Variants in ZNF460 observed in about 807,000 individuals in gnomAD.
ZNF460 encodes zinc finger protein 272.
A neutral mutation model predicts 8.4 loss-of-function variants in ZNF460; 1 was observed. The ratio of observed to expected loss-of-function variants is 0.12; its 90% CI spans 0.04 to 0.56. The LOEUF (loss-of-function observed/expected upper bound fraction) is 0.56. ZNF460 is among the 20% of genes least tolerant of loss of function. The probability of loss-of-function intolerance (pLI) is 0.91; values close to 1 mark genes in which losing one functional copy is unlikely to be tolerated. For missense variants in ZNF460, 477 were observed against 714.8 expected (o/e 0.67, Z 3.79); for synonymous variants, 262 against 259.9 (o/e 1.01, Z -0.08).
intron 2 of ZNF460, among the ~76,000 whole-genome samples, chr19:57,285,909 A>G (rs1191062812): frequency 6.6e-6 from 1 of 152,150 alleles, no homozygotes; most frequent in Non-Finnish European, 1.5e-5. Context: ...TGGGAGACCA[A>G]GGTCTGATGC....
intron 1 of ZNF460, 39 bp from the exon 2 acceptor site, chr19:57,284,512 T>G (rs374129137): frequency 2.5e-6 from 4 of 1,602,260 alleles, no homozygotes; most frequent in Non-Finnish European, 3.4e-6. Flanking sequence ...TATTCCACAG[T>G]TGCAAAGGAA....
rs1214872764 is a variant in ZNF460 at position 57,292,082 on chromosome 19, G to T, written c.1541G>T (p.Cys514Phe). 6.2e-7 allele frequency: 1 copy of T among 1,614,190 alleles called. No homozygotes were observed. ...HEPIQSGNVSCESTDLIQHSI... is the reference protein window; with the variant it reads ...HEPIQSGNVSFESTDLIQHSI... Reference sequence around the variant, plus strand: ...CCCATCCAGAGTGGGAACGTTTCTTGTGAGAGCACAGATCTCATTCAACAC... The same window carrying T: ...CCCATCCAGAGTGGGAACGTTTCTTTTGAGAGCACAGATCTCATTCAACAC... Residue 514 changes from cysteine to phenylalanine, a missense_variant, in exon 3 of 3, where the codon TGT becomes TTT. Coordinates refer to ENST00000360338, the MANE Select transcript of ZNF460 (RefSeq NM_006635.4).
chr19:57,282,357 A>G (rs1043020182), intron 1 of ZNF460, among the ~76,000 whole-genome samples: 2 of 152,112 alleles, frequency 1.3e-5, no homozygotes, highest in East Asian at 1.9e-4. Flanking sequence ...TGTGCCCTCT[A>G]TGACTCTTGT....
At chr19:57,283,938 C>G (rs1192414234) in intron 1 of ZNF460, among the ~76,000 whole-genome samples, 1 of 152,130 alleles carries the variant, frequency 6.6e-6, no homozygotes, top group African/African-American at 2.4e-5. Flanking sequence ...CCTCAGGAGT[C>G]TGGCTCCTGA....
chr19:57,291,345 A>G lies in ZNF460; in HGVS notation c.804A>G (p.Thr268=). Residue 268 remains threonine (T), a synonymous_variant, in exon 3 of 3, where the codon ACA becomes ACG. Transcript: ENST00000360338. This position sits in a 1 kb window ranked among gnomAD's most constrained non-coding sequence, Gnocchi z 8.4. ...CCTTCAATCGCGGGTCGCACCTTAC[A>G]CGGCACCAGCGGGTTCACAGTGGAG... ...GRTFNRGSHL[T]RHQRVHSGEK... 1 of 1,613,412 alleles carries G rather than the reference A, an allele frequency of 6.2e-7. No individual in the cohort carries two copies.
At chr19:57,286,554 G>A (rs1274245250) in intron 2 of ZNF460, among the ~76,000 whole-genome samples, 2 of 152,098 alleles carry the variant, frequency 1.3e-5, no homozygotes, top group African/African-American at 4.8e-5. Context: ...AGGCTGAGAT[G>A]GGAGGATTGC....
chr19:57,293,614 G>C lies in ZNF460; in HGVS notation c.*1384G>C, dbSNP rs1180533809. 6.6e-6 allele frequency: 1 copy of C among 152,036 alleles called. No homozygotes were observed. Among genetic ancestry groups the C allele is most frequent in the Non-Finnish European group, 1.5e-5 (1 of 68,010 alleles). 9.4% of individuals were successfully genotyped at this position (152,036 alleles called of 1,614,324 possible). On this transcript the variant is annotated 3_prime_UTR_variant, in exon 3 of 3. Transcript: ENST00000360338. The stretch of plus-strand genomic sequence containing the variant: ...CATCTCAATCATTTATCATTTCTTT[G>C]TGTTTAGAAACATTCACAGTCTGCT...
In ZNF460 at chr19:57,289,356, C is replaced by T. The variant is rs902920865; in HGVS notation, c.158-1343C>T. Among the ~76,000 whole-genome samples the T allele has an allele frequency of 2.0e-5, 3 of 152,138 alleles. 1 individual carries two copies. The highest frequency in any genetic ancestry group is 7.2e-5 in the African/African-American group (3 of 41,432). On this transcript the variant is annotated intron_variant, in intron 2 of 2. Transcript: ENST00000360338. The stretch of plus-strand genomic sequence containing the variant: ...CTTCCTGTCTCTGAATCCTGATCAA[C>T]CTTAACTTCTTATGGGGCTGCCTCC...
chr19:57,291,776 A>G lies in ZNF460; in HGVS notation c.1235A>G (p.Asn412Ser), dbSNP rs200206139. The G allele has an allele frequency of 6.5e-5, 105 of 1,614,106 alleles. No homozygotes were observed. In the East Asian group the frequency reaches 1.6e-3, roughly 24 times the overall value. The change falls in exon 3 of 3, where the codon AAC becomes AGC. Residue 412 changes from asparagine (N) to serine (S), a missense_variant. Physicochemically the swap from Asn to Ser is conservative, Grantham distance 46. Coordinates refer to ENST00000360338, the MANE Select transcript of ZNF460 (RefSeq NM_006635.4). This position sits in a 1 kb window ranked among gnomAD's most constrained non-coding sequence, Gnocchi z 8.4. ...SIRKDLIRHF[N>S]IHTGEKPYEC... is the part of the protein sequence containing the mutation. ...CGAAAAGACCTCATTCGACACTTCA[A>G]CATCCACACTGGAGAGAAGCCCTAT...
intron 2 of ZNF460, 105 bp from the exon 3 acceptor site, chr19:57,290,594 T>C (rs1259740632): frequency 5.2e-6 from 6 of 1,155,540 alleles, no homozygotes; most frequent in Non-Finnish European, 7.3e-6. Context: ...ATCATAGCTA[T>C]TTTCAAATCA....
In ZNF460 at chr19:57,291,198, TG is replaced by T; in HGVS notation, c.661del (p.Glu221ArgfsTer243). On this transcript the variant is annotated frameshift_variant, in exon 3 of 3. Coordinates refer to ENST00000360338, the MANE Select transcript of ZNF460 (RefSeq NM_006635.4). LOFTEE classifies it low-confidence loss of function (END_TRUNC). The surrounding 1 kb of genome is among the most constrained non-coding windows in gnomAD (Gnocchi z 8.4). ...TCCTTCAGCATCACATCATCCATAC[TG>T]GGGAGAAGCCCTATAAATGCCTGGA... Reference protein sequence around the residue: ...HLLQHHIIHTGEKPYKCLECG... With the variant: ...HLLQHHIIHTXEKPYKCLECG... 1 of 1,614,192 alleles carries T rather than the reference TG, an allele frequency of 6.2e-7. No individual in the cohort carries two copies. Among genetic ancestry groups the T allele is most frequent in the Non-Finnish European group, 8.5e-7 (1 of 1,180,044 alleles).
At position 57,292,111 on chromosome 19, in the gene ZNF460, A is replaced by C; in HGVS notation, c.1570A>C (p.Ile524Leu). 6.2e-7 allele frequency: 1 copy of C among 1,614,186 alleles called. No individual in the cohort carries two copies. Among genetic ancestry groups the C allele is most frequent in the Non-Finnish European group, 8.5e-7 (1 of 1,180,022 alleles). ...CESTDLIQHS[I>L]IHTESSPVSA... ...GAGCACAGATCTCATTCAACACTCC[A>C]TCATCCACACTGAGAGTAGCCCAGT... Residue 524 changes from isoleucine to leucine, a missense_variant, in exon 3 of 3, where the codon ATC becomes CTC. Around this residue, in one of 5 missense-constraint regions of ZNF460, gnomAD observed 83 missense variants for 82.3 expected, o/e 1.01. Coordinates refer to ENST00000360338, the MANE Select transcript of ZNF460 (RefSeq NM_006635.4).
chr19:57,292,040 C>T lies in ZNF460; in HGVS notation c.1499C>T (p.Ala500Val). Residue 500 changes from alanine to valine, a missense_variant, in exon 3 of 3, where the codon GCA (alanine) becomes GTA (valine). Physicochemically the swap from Ala to Val is moderately conservative, Grantham distance 64. Around this residue, in one of 5 missense-constraint regions of ZNF460, gnomAD observed 83 missense variants for 82.3 expected, o/e 1.01. Coordinates refer to ENST00000360338, the MANE Select transcript of ZNF460 (RefSeq NM_006635.4). ...PLTRHQRIHT[A>V]EKSHEPIQSG... ...ACAAGGCACCAGCGGATTCACACTGCAGAGAAGTCCCACGAACCCATCCAG... is the reference window on the plus strand; with the variant it reads ...ACAAGGCACCAGCGGATTCACACTGTAGAGAAGTCCCACGAACCCATCCAG... 2 of 1,614,204 alleles carry T rather than the reference C, an allele frequency of 1.2e-6. No individual in the cohort carries two copies. Among genetic ancestry groups the T allele is most frequent in the Non-Finnish European group, 1.7e-6 (2 of 1,180,040 alleles).
chr19:57,284,139 A>T (rs2087861947), intron 1 of ZNF460, among the ~76,000 whole-genome samples: 1 of 151,984 alleles, frequency 6.6e-6, no homozygotes, highest in African/African-American at 2.4e-5. Flanking sequence ...TCCACTTGGG[A>T]TTGTCCTAAC....
intron 1 of ZNF460, among the ~76,000 whole-genome samples, chr19:57,281,265 CT>C (rs2122880100): frequency 6.6e-6 from 1 of 152,312 alleles, no homozygotes; most frequent in African/African-American, 2.4e-5. Flanking sequence ...GCCCCTGTAA[CT>C]TTGCAGGGCC....
intron 1 of ZNF460, among the ~76,000 whole-genome samples, chr19:57,283,763 G>C (rs528587859): frequency 6.7e-6 from 1 of 149,700 alleles, no homozygotes; most frequent in African/African-American, 2.5e-5. Flanking sequence ...CAGCCTCCCA[G>C]AGTGCTGGGA....
rs185199828 is a variant in ZNF460 at position 57,293,428 on chromosome 19, G to T, written c.*1198G>T. ...TTGTCACCATGGATTGAGTCCAGTC[G>T]TAGTAATTAATATGTTTAATCAGAA... On this transcript the variant is annotated 3_prime_UTR_variant, in exon 3 of 3. Coordinates refer to ENST00000360338, the MANE Select transcript of ZNF460 (RefSeq NM_006635.4). The T allele has an allele frequency of 1.6e-4, 25 of 152,230 alleles. No homozygotes were observed. In the East Asian group the frequency reaches 4.6e-3, roughly 28 times the overall value. 9.4% of individuals were successfully genotyped at this position (152,230 alleles called of 1,614,324 possible).
At chr19:57,280,868 C>T in intron 1 of ZNF460, 32 bp downstream of exon 1, 1 of 1,613,714 alleles carries the variant, frequency 6.2e-7, no homozygotes, top group Non-Finnish European at 8.5e-7. Flanking sequence ...CTTGCTGCTG[C>T]TGTGCTATTT....
chr19:57,291,699 C>T lies in ZNF460; in HGVS notation c.1158C>T (p.His386=). Residue 386 remains histidine, a synonymous_variant, in exon 3 of 3, where the codon CAC becomes CAT. Coordinates refer to ENST00000360338, the MANE Select transcript of ZNF460 (RefSeq NM_006635.4). This position sits in a 1 kb window ranked among gnomAD's most constrained non-coding sequence, Gnocchi z 8.4. The stretch of plus-strand genomic sequence containing the variant: ...CCTATGTCCTGCATGAAAGAGCCCA[C>T]ACTGGAGAAAAGCCTTTTGAGTGCA... The part of the protein sequence containing the change: ...YSTYVLHERA[H]TGEKPFECKE... 1 of 1,614,144 alleles carries T rather than the reference C, an allele frequency of 6.2e-7. No individual in the cohort carries two copies. Among genetic ancestry groups the T allele is most frequent in the Non-Finnish European group, 8.5e-7 (1 of 1,180,008 alleles).
Sources: allele counts gnomAD v4.1 joint callset (sites outside exome capture counted in the v4.1 genomes callset), GRCh38; gene constraint gnomAD v4.1.1; regional missense constraint gnomAD v4.1.1; non-coding constraint Gnocchi (gnomAD v3.1); transcripts MANE v1.5; gene names NCBI Gene and HGNC (gene_info 2026-07-23, HGNC 2026-07-21).